SVOPL: variants seen among roughly 807,000 people sequenced by gnomAD.
SVOPL encodes the protein putative transporter SVOPL.
A neutral mutation model predicts 61.0 loss-of-function variants in SVOPL; 60 were observed. The observed-to-expected ratio is 0.98, with a 90% confidence interval of 0.80 to 1.22. The LOEUF (loss-of-function observed/expected upper bound fraction) is 1.22, where lower values mean the gene tolerates loss of function less well. Ranked by LOEUF, SVOPL falls within the 50% of genes most tolerant of loss-of-function variation. SVOPL has a pLI of 0.00. For synonymous variants in SVOPL, 279 were observed against 250.0 expected, an observed-to-expected ratio of 1.12 and a Z score of -1.09; for missense variants, 662 against 643.9, an observed-to-expected ratio of 1.03 and a Z score of -0.30.
In SVOPL at chr7:138,641,130, T is replaced by C. The variant is rs1477308126; in HGVS notation, c.789+3587A>G. On this transcript the variant is annotated intron_variant, in intron 9 of 15. Transcript: ENST00000674285. ...AGGTAGGAGGATCGAGCCTGGAAGG[T>C]CAAGGCTACAGTGAGCTATGACAGT... 2.0e-5 allele frequency among the ~76,000 whole-genome samples: 3 copies of C among 150,990 alleles called. No individual in the cohort carries two copies. In the Admixed American group the frequency reaches 2.0e-4, roughly 10 times the overall value.
chr7:138,597,577 A>T (rs1050146352), intron 14 of SVOPL, among the ~76,000 whole-genome samples: 1 of 11,570 alleles, frequency 8.6e-5, no homozygotes, highest in African/African-American at 2.2e-3. Flanking sequence ...GACAGGTACT[A>T]ATGCTGATTT....
chr7:138,676,040 T>C (rs1417834781), intron 3 of SVOPL, among the ~76,000 whole-genome samples: 1 of 152,202 alleles, frequency 6.6e-6, no homozygotes, highest in African/African-American at 2.4e-5. Flanking sequence ...TTCACTATGT[T>C]GGCCAGGCTG....
intron 15 of SVOPL, 104 bp downstream of exon 15, chr7:138,596,313 G>C (rs1798276012): frequency 2.2e-6 from 2 of 917,388 alleles, no homozygotes; most frequent in Non-Finnish European, 3.2e-6. Context: ...AATCTGATAT[G>C]AATTATTAGT....
chr7:138,672,669 A>AG (rs1563133291), intron 3 of SVOPL, among the ~76,000 whole-genome samples: 2 of 150,668 alleles, frequency 1.3e-5, no homozygotes, highest in African/African-American at 4.9e-5. Flanking sequence ...AAAAAAAAAA[A>AG]AAAAAAGAAG....
chr7:138,645,657 A>T (rs1293291649), intron 8 of SVOPL: 1 of 154,066 alleles, frequency 6.5e-6, no homozygotes, highest in Non-Finnish European at 1.4e-5. Flanking sequence ...AGATCTTTTT[A>T]TTTTTTGCAG....
At chr7:138,676,698 ATGTT>A (rs1264224070) in intron 3 of SVOPL, among the ~76,000 whole-genome samples, 2 of 152,172 alleles carry the variant, frequency 1.3e-5, no homozygotes, top group African/African-American at 4.8e-5. Flanking sequence ...TATGCACAAA[ATGTT>A]TGAGAGCCAT....
intron 1 of SVOPL, among the ~76,000 whole-genome samples, chr7:138,683,589 G>C (rs552727332): frequency 6.6e-6 from 1 of 152,046 alleles, no homozygotes; most frequent in East Asian, 2.0e-4. Flanking sequence ...GGCTGGTCTT[G>C]AATTCCTGAC....
At chr7:138,605,738 G>C (rs1798729734) in intron 14 of SVOPL, among the ~76,000 whole-genome samples, 2 of 151,118 alleles carry the variant, frequency 1.3e-5, no homozygotes, top group Admixed American at 1.3e-4. Context: ...CCATTTATGA[G>C]AATTGATTCA....
chr7:138,685,176 C>T (rs1338536917), intron 1 of SVOPL, among the ~76,000 whole-genome samples: 1 of 151,914 alleles, frequency 6.6e-6, no homozygotes, highest in Non-Finnish European at 1.5e-5. Context: ...AGGTGATCCA[C>T]CTGCCTCAGC....
chr7:138,595,956 G>A (rs1179917799), intron 15 of SVOPL, among the ~76,000 whole-genome samples: 1 of 152,126 alleles, frequency 6.6e-6, no homozygotes, highest in African/African-American at 2.4e-5. Flanking sequence ...AGGAGGCCAA[G>A]ACAGGTGGAT....
intron 1 of SVOPL, among the ~76,000 whole-genome samples, chr7:138,699,022 C>A (rs1803132572): frequency 6.6e-6 from 1 of 152,164 alleles, no homozygotes; most frequent in South Asian, 2.1e-4. Flanking sequence ...TATGGTAGCA[C>A]ATGCCTGTAG....
intron 8 of SVOPL, among the ~76,000 whole-genome samples, chr7:138,647,191 T>C (rs1272492104): frequency 8.6e-5 from 13 of 152,012 alleles, no homozygotes; most frequent in Admixed American, 5.9e-4. Flanking sequence ...CTGGCCAACA[T>C]GGTGAAACCC....
chr7:138,672,656 T>TTAA (rs35924408), intron 3 of SVOPL, among the ~76,000 whole-genome samples: 66 of 118,832 alleles, frequency 5.6e-4, no homozygotes, highest in African/African-American at 2.1e-3. Context: ...TTTTTGTGTT[T>TTAA]AAAAAAAAAA....
At chr7:138,669,996 G>A (rs1802375802) in intron 4 of SVOPL, among the ~76,000 whole-genome samples, 1 of 152,036 alleles carries the variant, frequency 6.6e-6, no homozygotes, top group South Asian at 2.1e-4. Context: ...TGACCTCCTT[G>A]GCTGATGTTA....
intron 9 of SVOPL, among the ~76,000 whole-genome samples, chr7:138,641,814 T>TTTTATATATATATATA (rs765128177): frequency 1.7e-5 from 2 of 120,972 alleles, no homozygotes; most frequent in East Asian, 2.7e-4. Flanking sequence ...TATATATATG[T>TTTTATATATATATATA]TATATATATA....
chr7:138,597,235 C>T, intron 14 of SVOPL: 1 of 1,288,474 alleles, frequency 7.8e-7, no homozygotes, highest in Non-Finnish European at 1.0e-6. Flanking sequence ...AGTGGTTAAC[C>T]AACAGCAAAG....
intron 9 of SVOPL, among the ~76,000 whole-genome samples, chr7:138,637,466 A>G (rs1292048443): frequency 5.8e-5 from 1 of 17,190 alleles, no homozygotes; most frequent in African/African-American, 1.4e-4. Context: ...ATATATATAT[A>G]TAGATATAGA....
At chr7:138,601,308 C>G (rs1022798538) in intron 14 of SVOPL, among the ~76,000 whole-genome samples, 3 of 151,556 alleles carry the variant, frequency 2.0e-5, no homozygotes, top group Admixed American at 6.6e-5. Flanking sequence ...ATCTGCACTC[C>G]TACCACAAAT....
intron 14 of SVOPL, among the ~76,000 whole-genome samples, chr7:138,609,720 G>T (rs1659823): frequency 0.39 from 42,667 of 110,072 alleles, 6,960 homozygotes; most frequent in African/African-American, 0.52. Flanking sequence ...TTTTTTTTTT[G>T]GGGGGGGTGG....
Sources: gnomAD v4.1 joint callset for allele counts (sites outside exome capture counted in the v4.1 genomes callset) on GRCh38, gnomAD v4.1.1 for gene constraint, MANE v1.5 for transcripts, NCBI Gene and HGNC (gene_info 2026-07-23, HGNC 2026-07-21) for gene names.